The following BTRC variants were observed in gnomAD, a reference collection of about 807,000 sequenced individuals.
The protein encoded by BTRC is F-box/WD repeat-containing protein 1A.
In BTRC, 42 loss-of-function variants were observed where a neutral mutation model predicts 85.5. The observed-to-expected ratio is 0.49, with a 90% confidence interval of 0.38 to 0.64. The LOEUF (loss-of-function observed/expected upper bound fraction) is 0.64. Ranked by LOEUF, BTRC falls within the 30% of genes least tolerant of loss-of-function variation. The pLI, the probability that BTRC is intolerant of heterozygous loss-of-function variation, is 0.00. For synonymous variants in BTRC, 255 were observed against 263.3 expected, an observed-to-expected ratio of 0.97 and a Z score of 0.30; for missense variants, 594 against 743.5, an observed-to-expected ratio of 0.80 and a Z score of 2.34.
At chr10:101,366,817 T>A (rs1232525982) in intron 1 of BTRC, among the ~76,000 whole-genome samples, 2 of 55,026 alleles carry the variant, frequency 3.6e-5, no homozygotes. Flanking sequence ...TATTTATATA[T>A]ATTAATATAT....
At chr10:101,432,026 A>G (rs775253913) in intron 2 of BTRC, among the ~76,000 whole-genome samples, 45 of 152,184 alleles carry the variant, frequency 3.0e-4, no homozygotes, top group Admixed American at 1.2e-3. Context: ...GCATGCAGTG[A>G]TGGTAGCTGC....
Position 101,532,438 on chromosome 10 carries a change from G to T in BTRC, c.978+6G>T, listed in dbSNP as rs1411537769. ...TTCGAGACAACACAATCAAGGTGAGGTCTATTCAGTTGTAGAAAGGTAGCA... is the reference window on the plus strand; with the variant it reads ...TTCGAGACAACACAATCAAGGTGAGTTCTATTCAGTTGTAGAAAGGTAGCA... On this transcript the variant is annotated splice_donor_region_variant and intron_variant, in intron 8 of 14. Coordinates refer to ENST00000370187, the MANE Select transcript of BTRC (RefSeq NM_033637.4). 1 of 1,603,722 alleles carries T rather than the reference G, an allele frequency of 6.2e-7. No homozygotes were observed. The highest frequency in any genetic ancestry group is 1.7e-5 in the Admixed American group (1 of 58,212).
At chr10:101,523,307 G>T (rs916179571) in intron 5 of BTRC, among the ~76,000 whole-genome samples, 1 of 152,154 alleles carries the variant, frequency 6.6e-6, no homozygotes, top group Non-Finnish European at 1.5e-5. Flanking sequence ...AAGCCTTGTT[G>T]TGGTGTTAAA....
intron 13 of BTRC, among the ~76,000 whole-genome samples, chr10:101,543,877 T>G (rs1363222291): frequency 1.3e-5 from 2 of 152,198 alleles, no homozygotes; most frequent in Non-Finnish European, 2.9e-5. Context: ...CACTTGTTAT[T>G]TTTGCTTTAA....
chr10:101,479,319 C>A, intron 3 of BTRC, 49 bp from the exon 4 acceptor site: 1 of 1,337,876 alleles, frequency 7.5e-7, no homozygotes, highest in East Asian at 2.3e-5. Context: ...CAGGATATGG[C>A]AGTATTTCAA....
At position 101,553,773 on chromosome 10, in the gene BTRC, C is replaced by G. The variant is rs1236125234; in HGVS notation, c.*650C>G. 4.6e-5 allele frequency: 7 copies of G among 152,974 alleles called. No individual in the cohort carries two copies. Among genetic ancestry groups the G allele is most frequent in the African/African-American group, 1.4e-4 (6 of 41,478 alleles). 9.5% of individuals were successfully genotyped at this position (152,974 alleles called of 1,614,324 possible). A position where few individuals can be genotyped will look rare whatever the true frequency, so the allele number is the denominator to read the frequency against. ...CTGCCTTCTCTTTGTTTCTGTTCCT[C>G]TTCCCATCTACTCCCCTACGCCCCT... is the stretch of plus-strand genomic sequence containing the variant. On this transcript the variant is annotated 3_prime_UTR_variant, in exon 15 of 15. Coordinates refer to ENST00000370187, the MANE Select transcript of BTRC (RefSeq NM_033637.4).
intron 3 of BTRC, among the ~76,000 whole-genome samples, chr10:101,464,480 G>A (rs995857585): frequency 4.0e-5 from 6 of 151,758 alleles, no homozygotes; most frequent in African/African-American, 9.7e-5. Flanking sequence ...TTTCATTGCC[G>A]TTTTAGCAGG....
rs1372899647 is a variant in BTRC at position 101,392,776 on chromosome 10, G to A, written c.49-37569G>A. Among the ~76,000 whole-genome samples the A allele has an allele frequency of 3.9e-5, 6 of 152,050 alleles. No homozygotes were observed. The East Asian group carries it at 1.2e-3, about 29-fold the overall frequency. ...TGACCTCAGGCGATCCACCTGCCTC[G>A]GCCTCCCAAAGTGCTGGAATTATAG... On this transcript the variant is annotated intron_variant, in intron 1 of 14. Coordinates refer to ENST00000370187, the MANE Select transcript of BTRC (RefSeq NM_033637.4).
At chr10:101,450,359 A>G (rs1944928409) in intron 2 of BTRC, among the ~76,000 whole-genome samples, 1 of 152,154 alleles carries the variant, frequency 6.6e-6, no homozygotes. Context: ...GAAACATTAA[A>G]ATGTTGTATT....
rs776006902 is a variant in BTRC at position 101,368,302 on chromosome 10, ACT to A, written c.48+14077_48+14078del. Among the ~76,000 whole-genome samples, 5 of 151,850 alleles carry A rather than the reference ACT, an allele frequency of 3.3e-5. No individual in the cohort carries two copies. In the East Asian group the frequency reaches 5.8e-4, roughly 18 times the overall value. On this transcript the variant is annotated intron_variant, in intron 1 of 14. Coordinates refer to ENST00000370187, the MANE Select transcript of BTRC (RefSeq NM_033637.4). ...CCACCGTGAGTGGAAGCCGCTTGAG[ACT>A]CTTACCAGGAGCAGATGCTAGCACC...
intron 2 of BTRC, among the ~76,000 whole-genome samples, chr10:101,460,112 T>G (rs1259822587): frequency 2.0e-5 from 3 of 152,192 alleles, no homozygotes; most frequent in Admixed American, 6.5e-5. Context: ...AAAGGAGGAA[T>G]TTCATGACCT....
intron 1 of BTRC, among the ~76,000 whole-genome samples, chr10:101,414,923 T>A (rs973219940): frequency 2.0e-5 from 3 of 152,028 alleles, no homozygotes; most frequent in Non-Finnish European, 4.4e-5. Context: ...ACTAAAAAAA[T>A]TTATAAAGTG....
chr10:101,421,031 A>G (rs1429436898), intron 1 of BTRC, among the ~76,000 whole-genome samples: 1 of 149,884 alleles, frequency 6.7e-6, no homozygotes, highest in Non-Finnish European at 1.5e-5. Flanking sequence ...CATCAGATTC[A>G]TGATTTCTGA....
chr10:101,556,897 GC>G lies in BTRC; in HGVS notation c.*3775del, dbSNP rs2062730196. The G allele has an allele frequency of 6.6e-6, 1 of 152,166 alleles. No individual in the cohort carries two copies. Among genetic ancestry groups the G allele is most frequent in the African/African-American group, 2.4e-5 (1 of 41,398 alleles). 9.4% of individuals were successfully genotyped at this position (152,166 alleles called of 1,614,324 possible). A position where few individuals can be genotyped will look rare whatever the true frequency, so the allele number is the denominator to read the frequency against. On this transcript the variant is annotated 3_prime_UTR_variant, in exon 15 of 15. Coordinates refer to ENST00000370187, the MANE Select transcript of BTRC (RefSeq NM_033637.4). ...GTTGTGTGTTTTATTAAGGATCAGT[GC>G]AGTTAAGTCGTATTTTAAAGTGTTA...
At chr10:101,549,591 G>A (rs1055491603) in intron 13 of BTRC, among the ~76,000 whole-genome samples, 1 of 151,622 alleles carries the variant, frequency 6.6e-6, no homozygotes, top group African/African-American at 2.4e-5. Context: ...GCAGGCGCCT[G>A]TAGTCCCAGC....
At position 101,389,115 on chromosome 10, in the gene BTRC, G is replaced by GTTTTTTTTTTTTTTTTTTTTTTTTTTT. The variant is rs1471017781; in HGVS notation, c.48+34888_48+34889insTTTTTTTTTTTTTTTTTTTTTTTTTTT. On this transcript the variant is annotated intron_variant, in intron 1 of 14. Transcript: ENST00000370187. ...ATGTTGCATAATTGTGATTTTTTGT[G>GTTTTTTTTTTTTTTTTTTTTTTTTTTT]TGTGTTTTTTTTTTTTTTTTTTTTT... Among the ~76,000 whole-genome samples, 8 of 35,462 alleles carry GTTTTTTTTTTTTTTTTTTTTTTTTTTT rather than the reference G, an allele frequency of 2.3e-4. 2 individuals carry two copies. Among genetic ancestry groups the GTTTTTTTTTTTTTTTTTTTTTTTTTTT allele is most frequent in the Non-Finnish European group, 3.0e-4 (6 of 20,258 alleles). 23.3% of individuals were successfully genotyped at this position (35,462 alleles called of 152,430 possible).
intron 4 of BTRC, among the ~76,000 whole-genome samples, chr10:101,510,808 C>T (rs1589573584): frequency 6.6e-6 from 1 of 152,164 alleles, no homozygotes; most frequent in African/African-American, 2.4e-5. Flanking sequence ...GATTTCTCCT[C>T]CTTTGGTTTC....
intron 4 of BTRC, among the ~76,000 whole-genome samples, chr10:101,509,977 C>A (rs1160585205): frequency 6.6e-6 from 1 of 151,270 alleles, no homozygotes; most frequent in South Asian, 2.1e-4. Flanking sequence ...ACCAACCTGG[C>A]CAGCATGGTA....
intron 3 of BTRC, among the ~76,000 whole-genome samples, chr10:101,478,320 A>C (rs1175089910): frequency 1.3e-5 from 2 of 151,654 alleles, no homozygotes; most frequent in Admixed American, 6.6e-5. Context: ...AAAAATAGGT[A>C]AGTGTTGGTT....
Sources: gnomAD v4.1 joint callset for allele counts (sites outside exome capture counted in the v4.1 genomes callset) on GRCh38, gnomAD v4.1.1 for gene constraint, MANE v1.5 for transcripts, NCBI Gene and HGNC (gene_info 2026-07-23, HGNC 2026-07-21) for gene names.